Variants in PTPRA observed in about 807,000 individuals in gnomAD.
PTPRA encodes the protein protein tyrosine phosphatase receptor type A, also known as receptor-type tyrosine-protein phosphatase alpha.
In PTPRA, 25 loss-of-function variants were observed where a neutral mutation model predicts 104.8. That is an observed-to-expected ratio of 0.24 (90% CI 0.17 to 0.33). PTPRA has a LOEUF of 0.33. Ranked by LOEUF, PTPRA falls within the 10% of genes least tolerant of loss-of-function variation. The pLI is 1.00. For missense variants in PTPRA, 765 were observed against 1,015.3 expected (o/e 0.75, Z 3.35); for synonymous variants, 323 against 368.9 (o/e 0.88, Z 1.43).
chr20:2,987,257 G>C (rs1351632978), intron 7 of PTPRA, among the ~76,000 whole-genome samples: 1 of 151,956 alleles, frequency 6.6e-6, no homozygotes, highest in Admixed American at 6.6e-5. Context: ...TGTATTTCTG[G>C]CTGGGGCTTT....
intron 1 of PTPRA, among the ~76,000 whole-genome samples, chr20:2,897,906 C>CTTTTTT (rs34328077): frequency 3.9e-4 from 33 of 83,720 alleles, no homozygotes; most frequent in East Asian, 9.8e-4. Context: ...CCTCATCATT[C>CTTTTTT]TTTTTTTTTT....
chr20:2,982,455 C>T (rs189878598), intron 6 of PTPRA, among the ~76,000 whole-genome samples: 29 of 151,002 alleles, frequency 1.9e-4, no homozygotes, highest in Non-Finnish European at 3.1e-4. Context: ...TTTTTTTGTT[C>T]TTTGGCTCAA....
At chr20:3,027,951 T>TA (rs2065226712) in intron 20 of PTPRA, 110 bp downstream of exon 20, 1 of 1,440,178 alleles carries the variant, frequency 6.9e-7, no homozygotes, top group Non-Finnish European at 9.5e-7. Context: ...GTCTTTGACT[T>TA]ATACGGTCCA....
In PTPRA at chr20:2,910,578, G is replaced by GTT. The variant is rs1245304127; in HGVS notation, c.-128-12620_-128-12619dup. On this transcript the variant is annotated intron_variant, in intron 1 of 23. Transcript: ENST00000399903. ...AGGTGTGTGCTATCATGCCCAGCTAGTTTTTTTTTTGTTTTTTTTTTGTTT... is the reference window on the plus strand; with the variant it reads ...AGGTGTGTGCTATCATGCCCAGCTAGTTTTTTTTTTTTGTTTTTTTTTTGTTT... Among the ~76,000 whole-genome samples the GTT allele has an allele frequency of 7.0e-3, 226 of 32,270 alleles. 2 individuals carry two copies. Among genetic ancestry groups the GTT allele is most frequent in the South Asian group, 0.018 (11 of 620 alleles). The allele number at this position is 32,270 out of a possible 152,430, so 21.2% of individuals were successfully genotyped here.
At chr20:2,938,338 C>T (rs1312302290) in intron 2 of PTPRA, among the ~76,000 whole-genome samples, 1 of 152,088 alleles carries the variant, frequency 6.6e-6, no homozygotes, top group Non-Finnish European at 1.5e-5. Context: ...GCACCCGCCA[C>T]CACACCCAAC....
In PTPRA at chr20:2,895,509, G is replaced by GTATTT. The variant is rs988511085; in HGVS notation, c.-129+21766_-129+21770dup. On this transcript the variant is annotated intron_variant, in intron 1 of 23. Transcript: ENST00000399903. ...CATGACAACTGTAGTATTGATAACTGTATTTTATTTTATTTTATTTTTTTT... is the reference window on the plus strand; with the variant it reads ...CATGACAACTGTAGTATTGATAACTGTATTTTATTTTATTTTATTTTATTTTTTTT... 1.8e-4 allele frequency among the ~76,000 whole-genome samples: 27 copies of GTATTT among 152,022 alleles called. No homozygotes were observed. In the East Asian group the frequency reaches 5.1e-3, roughly 28 times the overall value.
intron 20 of PTPRA, among the ~76,000 whole-genome samples, chr20:3,032,540 G>C (rs1219612595): frequency 6.6e-6 from 1 of 151,996 alleles, no homozygotes; most frequent in Non-Finnish European, 1.5e-5. Flanking sequence ...GGCCAAGGTG[G>C]GCGGATCACA....
intron 12 of PTPRA, 104 bp from the exon 13 acceptor site, chr20:3,017,712 C>A: frequency 2.2e-6 from 2 of 893,562 alleles, no homozygotes; most frequent in Non-Finnish European, 3.6e-6. Context: ...TAGCTGGGGA[C>A]ATTTGGGCAC....
chr20:2,873,130 C>G (rs1355904127), upstream of PTPRA, among the ~76,000 whole-genome samples: 4 of 152,194 alleles, frequency 2.6e-5, no homozygotes, highest in African/African-American at 9.6e-5. The surrounding 1 kb of genome is among the most constrained non-coding windows in gnomAD (Gnocchi z 4.4). Flanking sequence ...TGCAGGCCGC[C>G]CTGGTGGCTA....
At position 2,907,651 on chromosome 20, in the gene PTPRA, C is replaced by T. The variant is rs146614229; in HGVS notation, c.-128-15556C>T. 9.8e-3 allele frequency among the ~76,000 whole-genome samples: 1,485 copies of T among 152,176 alleles called. 93 individuals carry two copies. Among genetic ancestry groups the T allele is most frequent in the Admixed American group, 0.089 (1,360 of 15,298 alleles). On this transcript the variant is annotated intron_variant, in intron 1 of 23. Coordinates refer to ENST00000399903, the MANE Select transcript of PTPRA (RefSeq NM_001385305.1). ...TTATATGGAATTAGTACTTTTTCACCTTCTTGTTTGTAGTTGTTCAACACA... is the reference window on the plus strand; with the variant it reads ...TTATATGGAATTAGTACTTTTTCACTTTCTTGTTTGTAGTTGTTCAACACA...
intron 2 of PTPRA, among the ~76,000 whole-genome samples, chr20:2,945,224 T>C (rs1231318473): frequency 6.6e-6 from 1 of 152,240 alleles, no homozygotes; most frequent in Non-Finnish European, 1.5e-5. Context: ...TTCTTAATGC[T>C]ACAGGACTGT....
intron 6 of PTPRA, among the ~76,000 whole-genome samples, chr20:2,984,366 A>G (rs764113582): frequency 4.6e-5 from 7 of 152,048 alleles, no homozygotes; most frequent in Admixed American, 1.3e-4. Context: ...TCTCACCCAT[A>G]TTCAACTGAA....
In PTPRA at chr20:2,981,144, C is replaced by CA. The variant is rs200204281; in HGVS notation, c.443-5612dup. Among the ~76,000 whole-genome samples, 258 of 148,856 alleles carry CA rather than the reference C, an allele frequency of 1.7e-3. 1 individual carries two copies. Among genetic ancestry groups the CA allele is most frequent in the African/African-American group, 5.6e-3 (227 of 40,530 alleles). On this transcript the variant is annotated intron_variant, in intron 6 of 23. Coordinates refer to ENST00000399903, the MANE Select transcript of PTPRA (RefSeq NM_001385305.1). ...GCTCTGGTGTCAATTCTAACCAAAACAAAAAAAAAGCATTTATGAGACACT... is the reference window on the plus strand; with the variant it reads ...GCTCTGGTGTCAATTCTAACCAAAACAAAAAAAAAAGCATTTATGAGACACT...
chr20:2,908,720 C>T lies in PTPRA; in HGVS notation c.-128-14487C>T, dbSNP rs150313127. ...CCAGCCTTGGCAACATAGTGAGAGTCCATCTCTAGTTTTAAAAAAATACAA... is the reference window on the plus strand; with the variant it reads ...CCAGCCTTGGCAACATAGTGAGAGTTCATCTCTAGTTTTAAAAAAATACAA... On this transcript the variant is annotated intron_variant, in intron 1 of 23. Transcript: ENST00000399903. Among the ~76,000 whole-genome samples, 106 of 151,736 alleles carry T rather than the reference C, an allele frequency of 7.0e-4. 1 individual carries two copies. Among genetic ancestry groups the T allele is most frequent in the African/African-American group, 2.2e-3 (93 of 41,342 alleles).
At chr20:2,924,364 T>G in intron 2 of PTPRA, among the ~76,000 whole-genome samples, 1 of 152,158 alleles carries the variant, frequency 6.6e-6, no homozygotes, top group Non-Finnish European at 1.5e-5. Context: ...ATCACGCCCC[T>G]GCACTCCATC....
intron 11 of PTPRA, 116 bp from the exon 12 acceptor site, chr20:3,015,733 C>A: frequency 2.5e-6 from 2 of 792,690 alleles, no homozygotes; most frequent in Non-Finnish European, 4.1e-6. Context: ...TGGAAATCCC[C>A]GTTAAGTACC....
intron 2 of PTPRA, among the ~76,000 whole-genome samples, chr20:2,924,271 TCAC>T (rs2060209563): frequency 6.6e-6 from 1 of 151,840 alleles, no homozygotes; most frequent in African/African-American, 2.4e-5. Context: ...GTGTGGTGGC[TCAC>T]GCCTGTAATC....
At chr20:3,030,676 C>CTT (rs1180681994) in intron 20 of PTPRA, among the ~76,000 whole-genome samples, 1,573 of 67,730 alleles carry the variant, frequency 0.023, 418 homozygotes, top group East Asian at 0.08. Flanking sequence ...TCTCCCTCTG[C>CTT]TTTTTTTTTT....
At chr20:2,978,753 A>G (rs1349451989) in intron 6 of PTPRA, among the ~76,000 whole-genome samples, 1 of 152,116 alleles carries the variant, frequency 6.6e-6, no homozygotes, top group African/African-American at 2.4e-5. Flanking sequence ...TGTCTCATCT[A>G]CTCAGCTCTG....
Sources: allele counts gnomAD v4.1 joint callset (sites outside exome capture counted in the v4.1 genomes callset), GRCh38; gene constraint gnomAD v4.1.1; non-coding constraint Gnocchi (gnomAD v3.1); transcripts MANE v1.5; gene names NCBI Gene and HGNC (gene_info 2026-07-23, HGNC 2026-07-21).